VILL: variants seen among roughly 807,000 people sequenced by gnomAD.
The protein encoded by VILL is villin like.
A neutral mutation model predicts 106.3 loss-of-function variants in VILL; 102 were observed. That is an observed-to-expected ratio of 0.96 (90% CI 0.82 to 1.13). The LOEUF (loss-of-function observed/expected upper bound fraction) is 1.13. VILL is among the 50% of genes most tolerant of loss of function. VILL has a pLI of 0.00. For missense variants in VILL, 1,076 were observed against 1,116.6 expected, an observed-to-expected ratio of 0.96 and a Z score of 0.52; for synonymous variants, 431 against 440.3, an observed-to-expected ratio of 0.98 and a Z score of 0.27.
At chr3:37,996,069 T>C (rs751102413) in intron 5 of VILL, among the ~76,000 whole-genome samples, 9 of 152,124 alleles carry the variant, frequency 5.9e-5, no homozygotes, top group Non-Finnish European at 1.3e-4. Flanking sequence ...CAGGGACATA[T>C]TGAGAACATG....
chr3:37,997,396 C>T lies in VILL; in HGVS notation c.562-87C>T. 5 of 1,445,138 alleles carry T rather than the reference C, an allele frequency of 3.5e-6. No individual in the cohort carries two copies. Among genetic ancestry groups the T allele is most frequent in the Non-Finnish European group, 4.8e-6 (5 of 1,048,348 alleles). 89.5% of individuals were successfully genotyped at this position (1,445,138 alleles called of 1,614,324 possible). On this transcript the variant is annotated intron_variant, in intron 6 of 19. Transcript: ENST00000383759. The surrounding 1 kb of genome is among the most constrained non-coding windows in gnomAD (Gnocchi z 4.7). ...GGACATCAGCCCTTCTCCCCATCAG[C>T]CTCTGGGAGCTGAGCAGTGACAGGA... is the stretch of plus-strand genomic sequence containing the variant.
At chr3:37,988,464 C>G (rs1271679261), upstream of VILL, among the ~76,000 whole-genome samples, 4 of 152,138 alleles carry the variant, frequency 2.6e-5, no homozygotes, top group African/African-American at 9.7e-5. Flanking sequence ...TTAATGGGTG[C>G]AGAGTTGCAG....
chr3:38,004,134 A>G lies in VILL; in HGVS notation c.1806-121A>G. The G allele has an allele frequency of 5.8e-6, 8 of 1,374,094 alleles. No homozygotes were observed. In the South Asian group the frequency reaches 9.8e-5, roughly 17 times the overall value. The allele number at this position is 1,374,094 out of a possible 1,614,324, so 85.1% of individuals were successfully genotyped here. A position where few individuals can be genotyped will look rare whatever the true frequency, so the allele number is the denominator to read the frequency against. On this transcript the variant is annotated intron_variant, in intron 15 of 19. Transcript: ENST00000383759. ...CTCGGGGAGAAACCACGGGGCTCAGAGGAGGGCCCAGGGCTCCCACTCCTG... is the reference window on the plus strand; with the variant it reads ...CTCGGGGAGAAACCACGGGGCTCAGGGGAGGGCCCAGGGCTCCCACTCCTG...
At chr3:37,999,792 CAAATATG>C (rs2125534558) in intron 11 of VILL, among the ~76,000 whole-genome samples, 1 of 152,326 alleles carries the variant, frequency 6.6e-6, no homozygotes, top group Admixed American at 6.5e-5. Flanking sequence ...TACACAACCA[CAAATATG>C]AAGCTGCAAA....
At chr3:37,992,280 G>A (rs986868784) in intron 1 of VILL, among the ~76,000 whole-genome samples, 3 of 152,016 alleles carry the variant, frequency 2.0e-5, no homozygotes, top group African/African-American at 7.3e-5. Context: ...GTCCTTCTAC[G>A]GGGCCACCAC....
At chr3:38,004,234 C>A in intron 15 of VILL, 21 bp from the exon 16 acceptor site, 1 of 1,599,884 alleles carries the variant, frequency 6.3e-7, no homozygotes, top group Non-Finnish European at 8.6e-7. Context: ...GGCTCACAGC[C>A]TTGCTGTCCG....
At chr3:38,006,316 G>C in intron 18 of VILL, 64 bp downstream of exon 18, 1 of 1,611,954 alleles carries the variant, frequency 6.2e-7, no homozygotes. Context: ...GGTCCTGATG[G>C]GCAGGGGAAG....
Position 38,004,411 on chromosome 3 carries a change from A to G in VILL, c.1950+12A>G. On this transcript the variant is annotated intron_variant, in intron 16 of 19. Coordinates refer to ENST00000383759, the MANE Select transcript of VILL (RefSeq NM_015873.4). ...ACACCTGGCAGGAGGTAAGGTGGCCATCCCTGCCTGGTGGGGCTGTGAACG... is the reference window on the plus strand; with the variant it reads ...ACACCTGGCAGGAGGTAAGGTGGCCGTCCCTGCCTGGTGGGGCTGTGAACG... 6.2e-7 allele frequency: 1 copy of G among 1,600,154 alleles called. No individual in the cohort carries two copies. The highest frequency in any genetic ancestry group is 1.3e-5 in the African/African-American group (1 of 74,840).
In VILL at chr3:37,998,186, C is replaced by T. The variant is rs1464559496; in HGVS notation, c.843+18C>T. ...AGGAGGAGGTGAGGAAGGCCTGGCC[C>T]CAGCTACTTGCATCCTTCCCCATCC... On this transcript the variant is annotated intron_variant, in intron 8 of 19. Coordinates refer to ENST00000383759, the MANE Select transcript of VILL (RefSeq NM_015873.4). The surrounding 1 kb of genome is among the most constrained non-coding windows in gnomAD (Gnocchi z 4.1). 3 of 1,613,884 alleles carry T rather than the reference C, an allele frequency of 1.9e-6. No individual in the cohort carries two copies. The highest frequency in any genetic ancestry group is 2.5e-6 in the Non-Finnish European group (3 of 1,179,938).
rs1559368758 is a variant in VILL, at chr3:38,006,763, C to T, written c.2457+63C>T. Reference sequence around the variant, plus strand: ...GACACTGAGCTGGAGGAGCCCAAGGCAGGATCCACTGGTGGCGGGCAGTGG... The same window carrying T: ...GACACTGAGCTGGAGGAGCCCAAGGTAGGATCCACTGGTGGCGGGCAGTGG... On this transcript the variant is annotated intron_variant, in intron 19 of 19. Transcript: ENST00000383759. The T allele has an allele frequency of 1.9e-6, 3 of 1,551,616 alleles. No homozygotes were observed. The East Asian group carries it at 6.8e-5, about 35-fold the overall frequency.
In VILL at chr3:38,002,413, T is replaced by C. The variant is rs9843296; in HGVS notation, c.1497T>C (p.His499=). The stretch of plus-strand genomic sequence containing the variant: ...TCCTATAGGAGAGAGCTGGGCACCA[T>C]GGAAAGGGGCAGTCAGCATCCACCA... ...LVIFQERAGH[H]GKGQSASTTR... is the part of the protein sequence containing the mutation. Residue 499 remains histidine, a synonymous_variant, in exon 14 of 20, where the codon CAT becomes CAC. Transcript: ENST00000383759. 260,136 of 1,612,336 alleles carry C rather than the reference T, an allele frequency of 0.16. 23,011 individuals are homozygous for C. Among genetic ancestry groups the C allele is most frequent in the African/African-American group, 0.34 (25,281 of 74,910 alleles).
rs775533926 is a variant in VILL, at chr3:37,997,668, C to T, written c.747C>T (p.Ala249=). The change falls in exon 7 of 20, where the codon GCC becomes GCT. Residue 249 remains alanine, a synonymous_variant. Transcript: ENST00000383759. The surrounding 1 kb of genome is among the most constrained non-coding windows in gnomAD (Gnocchi z 4.7). The part of the protein sequence containing the change: ...PSKDINQLQK[A]NVRLYHVYEK... ...AGGATATCAACCAGCTGCAGAAGGC[C>T]AATGTTCGCCTGTACCAGTGAGTAC... 1 of 1,302,158 alleles carries T rather than the reference C, an allele frequency of 7.7e-7. No homozygotes were observed. Among genetic ancestry groups the T allele is most frequent in the Non-Finnish European group, 1.0e-6 (1 of 970,480 alleles). 80.7% of individuals were successfully genotyped at this position (1,302,158 alleles called of 1,614,324 possible). A position where few individuals can be genotyped will look rare whatever the true frequency, so the allele number is the denominator to read the frequency against.
intron 18 of VILL, 32 bp downstream of exon 18, chr3:38,006,284 G>C (rs1163237120): frequency 1.2e-6 from 2 of 1,613,902 alleles, no homozygotes; most frequent in Non-Finnish European, 1.7e-6. Context: ...CTTCCCCACA[G>C]TGGCCTGGGC....
chr3:37,993,386 T>C, intron 1 of VILL: 2 of 451,892 alleles, frequency 4.4e-6, no homozygotes, highest in South Asian at 5.1e-5. Flanking sequence ...AATCATGCAC[T>C]GCAGGCTAGG....
At chr3:37,990,381 C>T (rs1699594409), upstream of VILL, among the ~76,000 whole-genome samples, 1 of 152,214 alleles carries the variant, frequency 6.6e-6, no homozygotes, top group Non-Finnish European at 1.5e-5. This position sits in a 1 kb window ranked among gnomAD's most constrained non-coding sequence, Gnocchi z 5.1. Context: ...AGCCCCCAGC[C>T]TTGGTCCTAC....
chr3:38,001,591 C>T lies in VILL; in HGVS notation c.1318C>T (p.Gln440Ter). 6.2e-7 allele frequency: 1 copy of T among 1,614,062 alleles called. No individual in the cohort carries two copies. The highest frequency in any genetic ancestry group is 1.1e-5 in the South Asian group (1 of 91,082). Residue 440 changes from glutamine to a stop codon, truncating the protein, a stop_gained and splice_region_variant, in exon 12 of 20, where the codon CAG (glutamine) becomes TAG (stop). Coordinates refer to ENST00000383759, the MANE Select transcript of VILL (RefSeq NM_015873.4). LOFTEE classifies it high-confidence loss of function. ...GRVQYILYLW[Q>*]GHQATADEIE... ...TGTCCAGTACATCCTGTACCTATGG[C>T]AGGTGTGCCAGCCTGAGGGAGGCAG... is the stretch of plus-strand genomic sequence containing the variant.
chr3:38,003,744 T>TA, intron 15 of VILL: 1 of 205,710 alleles, frequency 4.9e-6, no homozygotes, highest in Non-Finnish European at 1.0e-5. Flanking sequence ...GGACAGGGTG[T>TA]GTGTAGGAGG....
In VILL at chr3:37,994,452, C is replaced by T. The variant is rs760550084; in HGVS notation, c.327C>T (p.Phe109=). The T allele has an allele frequency of 6.2e-7, 1 of 1,612,470 alleles. No individual in the cohort carries two copies. Among genetic ancestry groups the T allele is most frequent in the South Asian group, 1.1e-5 (1 of 91,068 alleles). The change falls in exon 4 of 20, where the codon TTC becomes TTT. Residue 109 remains phenylalanine (F), a synonymous_variant. Coordinates refer to ENST00000383759, the MANE Select transcript of VILL (RefSeq NM_015873.4). ...AGTCCGACTGCTTCTGCAGCTACTT[C>T]CGCCCGGGAATCATGTGAGTGCGGG... ...GHESDCFCSY[F]RPGIIYRKGG...
rs1279074809 is a variant in VILL at position 38,006,562 on chromosome 3, C to A, written c.2319C>A (p.Ser773Arg). The change falls in exon 19 of 20, where the codon AGC becomes AGA. Residue 773 changes from serine to arginine, a missense_variant. Physicochemically the swap from Ser to Arg is moderately radical, Grantham distance 110 (BLOSUM62 -1). Coordinates refer to ENST00000383759, the MANE Select transcript of VILL (RefSeq NM_015873.4). ...GCTCAGAGAATGATCTGGTGCGAAGCCCCAAGTCGGCTGGCAGCAGAACCA... is the reference window on the plus strand; with the variant it reads ...GCTCAGAGAATGATCTGGTGCGAAGACCCAAGTCGGCTGGCAGCAGAACCA... The part of the protein sequence containing the change: ...QDSSENDLVR[S>R]PKSAGSRTSS... The A allele has an allele frequency of 6.2e-7, 1 of 1,614,134 alleles. No homozygotes were observed. Among genetic ancestry groups the A allele is most frequent in the East Asian group, 2.2e-5 (1 of 44,886 alleles).
Sources: gnomAD v4.1 joint callset for allele counts (sites outside exome capture counted in the v4.1 genomes callset) on GRCh38, gnomAD v4.1.1 for gene constraint, Gnocchi (gnomAD v3.1) non-coding constraint, MANE v1.5 for transcripts, NCBI Gene and HGNC (gene_info 2026-07-23, HGNC 2026-07-21) for gene names.